Variants in PLCH1 observed in about 807,000 individuals in gnomAD.
PLCH1 encodes the protein 1-phosphatidylinositol 4,5-bisphosphate phosphodiesterase eta-1.
A neutral mutation model predicts 126.7 loss-of-function variants in PLCH1; 60 were observed. The ratio of observed to expected loss-of-function variants is 0.47; its 90% CI spans 0.38 to 0.59. The LOEUF is 0.59. Ranked by LOEUF, PLCH1 falls within the 20% of genes least tolerant of loss-of-function variation. The pLI, the probability that PLCH1 is intolerant of heterozygous loss-of-function variation, is 0.00. For synonymous variants in PLCH1, 719 were observed against 734.9 expected, an observed-to-expected ratio of 0.98 and a Z score of 0.35; for missense variants, 1,723 against 2,040.0, an observed-to-expected ratio of 0.84 and a Z score of 2.99.
intron 2 of PLCH1, among the ~76,000 whole-genome samples, chr3:155,683,428 A>G (rs1192133417): frequency 1.3e-5 from 2 of 152,232 alleles, no homozygotes; most frequent in Non-Finnish European, 2.9e-5. Flanking sequence ...TGAGCAATCC[A>G]TGAAAATAAC....
In PLCH1 at chr3:155,704,771, C is replaced by T. The variant is rs148660451; in HGVS notation, c.-40-507G>A. Among the ~76,000 whole-genome samples the T allele has an allele frequency of 2.7e-4, 41 of 152,264 alleles. No individual in the cohort carries two copies. The East Asian group carries it at 7.1e-3, about 26-fold the overall frequency. ...AAAATGTGCCTCCCTCTTTTTGGTT[C>T]ATTGCTGGTGTCCATTTAGGACTGC... On this transcript the variant is annotated intron_variant, in intron 1 of 22. Coordinates refer to ENST00000460012, the MANE Select transcript of PLCH1 (RefSeq NM_014996.4).
chr3:155,605,455 T>G (rs1734238443), intron 2 of PLCH1, among the ~76,000 whole-genome samples: 1 of 152,236 alleles, frequency 6.6e-6, no homozygotes, highest in South Asian at 2.1e-4. Flanking sequence ...TGAGTTGCTA[T>G]TAGAACTAAG....
chr3:155,613,740 C>T (rs749304464), intron 2 of PLCH1, among the ~76,000 whole-genome samples: 11 of 152,068 alleles, frequency 7.2e-5, no homozygotes, highest in Admixed American at 2.0e-4. Flanking sequence ...AAAACTGGAA[C>T]GAGACAAGGA....
At chr3:155,647,250 G>GA (rs1437401158) in intron 2 of PLCH1, among the ~76,000 whole-genome samples, 1 of 152,018 alleles carries the variant, frequency 6.6e-6, no homozygotes, top group East Asian at 1.9e-4. Flanking sequence ...AGTCAATAAG[G>GA]AAAGTGAATG....
At chr3:155,504,927 A>G (rs1425243709) in intron 12 of PLCH1, among the ~76,000 whole-genome samples, 1 of 152,174 alleles carries the variant, frequency 6.6e-6, no homozygotes, top group Non-Finnish European at 1.5e-5. Flanking sequence ...GCTGGCCCTC[A>G]TGGTGCCTGT....
chr3:155,532,441 A>G (rs1722825315), intron 10 of PLCH1, among the ~76,000 whole-genome samples: 1 of 152,178 alleles, frequency 6.6e-6, no homozygotes, highest in African/African-American at 2.4e-5. Context: ...CACAGGTGAT[A>G]TGGTTTGGCT....
chr3:155,578,660 T>C (rs1730282379), intron 6 of PLCH1, among the ~76,000 whole-genome samples: 1 of 152,220 alleles, frequency 6.6e-6, no homozygotes, highest in African/African-American at 2.4e-5. Flanking sequence ...TATGTTTTAT[T>C]ATATCACACT....
At chr3:155,519,438 A>AT (rs1720775853) in intron 11 of PLCH1, among the ~76,000 whole-genome samples, 2 of 152,126 alleles carry the variant, frequency 1.3e-5, no homozygotes, top group Non-Finnish European at 2.9e-5. Flanking sequence ...ACATATTCTC[A>AT]TTTTGTCTCC....
At chr3:155,471,902 A>G (rs1195401625) in intron 21 of PLCH1, among the ~76,000 whole-genome samples, 1 of 152,138 alleles carries the variant, frequency 6.6e-6, no homozygotes, top group Non-Finnish European at 1.5e-5. Context: ...ACAACATACC[A>G]GAATCTCTGG....
intron 2 of PLCH1, among the ~76,000 whole-genome samples, chr3:155,678,891 A>T (rs1405173815): frequency 6.6e-6 from 1 of 152,196 alleles, no homozygotes; most frequent in Non-Finnish European, 1.5e-5. Context: ...TCAGGTGAAA[A>T]ATAAAAAACA....
At chr3:155,718,801 G>A (rs1168148621) in intron 1 of PLCH1, among the ~76,000 whole-genome samples, 1 of 151,980 alleles carries the variant, frequency 6.6e-6, no homozygotes, top group Non-Finnish European at 1.5e-5. Context: ...ATTATATTTG[G>A]CAGGAACATA....
intron 2 of PLCH1, among the ~76,000 whole-genome samples, chr3:155,698,278 T>C (rs1476911999): frequency 6.6e-6 from 1 of 152,196 alleles, no homozygotes; most frequent in Non-Finnish European, 1.5e-5. Flanking sequence ...GATTTTAAAA[T>C]ATAAATAAAT....
intron 2 of PLCH1, among the ~76,000 whole-genome samples, chr3:155,687,915 T>C (rs757944237): frequency 6.6e-6 from 1 of 152,156 alleles, no homozygotes; most frequent in Non-Finnish European, 1.5e-5. Context: ...AAATGAAAAA[T>C]GTCTAAACAT....
intron 8 of PLCH1, among the ~76,000 whole-genome samples, chr3:155,561,660 G>T (rs1218760287): frequency 4.6e-5 from 7 of 152,052 alleles, no homozygotes; most frequent in South Asian, 2.1e-4. Flanking sequence ...GTAATGGGAT[G>T]GCTGGGTCAA....
rs555979232 is a variant in PLCH1, at chr3:155,703,953, G to A, written c.79+193C>T. Among the ~76,000 whole-genome samples the A allele has an allele frequency of 4.6e-5, 7 of 152,302 alleles. No individual in the cohort carries two copies. The South Asian group carries it at 1.4e-3, about 32-fold the overall frequency. On this transcript the variant is annotated intron_variant, in intron 2 of 22. Transcript: ENST00000460012. ...AGATAACACTATTATAGTCGTTGAG[G>A]TGGGGCCCATTCCTTACAAGTGGAG... is the stretch of plus-strand genomic sequence containing the variant.
chr3:155,473,242 A>C (rs1447230925), intron 21 of PLCH1, among the ~76,000 whole-genome samples: 1 of 151,154 alleles, frequency 6.6e-6, no homozygotes, highest in Non-Finnish European at 1.5e-5. Context: ...CTCAGGATAC[A>C]AAATCAATGT....
chr3:155,685,284 G>A (rs1255355412), intron 2 of PLCH1, among the ~76,000 whole-genome samples: 2 of 152,226 alleles, frequency 1.3e-5, no homozygotes, highest in African/African-American at 4.8e-5. Flanking sequence ...ATGATGGCAT[G>A]TAGCCTTTTC....
chr3:155,525,410 C>T (rs1341031995), intron 10 of PLCH1, among the ~76,000 whole-genome samples: 2 of 152,126 alleles, frequency 1.3e-5, no homozygotes, highest in African/African-American at 4.8e-5. Flanking sequence ...GAAACAGGCC[C>T]TCACCAGACG....
At chr3:155,664,088 A>G (rs1194336112) in intron 2 of PLCH1, among the ~76,000 whole-genome samples, 2 of 152,218 alleles carry the variant, frequency 1.3e-5, no homozygotes, top group Non-Finnish European at 2.9e-5. Flanking sequence ...TGATGACAGT[A>G]CCAATTATAA....
Sources: gnomAD v4.1 joint callset for allele counts (sites outside exome capture counted in the v4.1 genomes callset) on GRCh38, gnomAD v4.1.1 for gene constraint, MANE v1.5 for transcripts, NCBI Gene and HGNC (gene_info 2026-07-23, HGNC 2026-07-21) for gene names.